CADM2: variants seen among roughly 807,000 people sequenced by gnomAD.
The protein encoded by CADM2 is cell adhesion molecule 2, also known as immunoglobulin superfamily member 4D.
Under a neutral mutation model 49.8 loss-of-function variants are expected in CADM2, and 12 were observed. The observed-to-expected ratio is 0.24, with a 90% CI of 0.15 to 0.39. The LOEUF is 0.39. Among genes scored for constraint, CADM2 ranks in the 10% least tolerant of loss-of-function variants. The probability of loss-of-function intolerance (pLI) is 1.00; values close to 1 mark genes in which losing one functional copy is unlikely to be tolerated. For missense variants in CADM2, 378 were observed against 492.3 expected, an observed-to-expected ratio of 0.77 and a Z score of 2.20; for synonymous variants, 214 against 175.4, an observed-to-expected ratio of 1.22 and a Z score of -1.74.
chr3:85,675,298 G>A (rs891183340), intron 1 of CADM2, among the ~76,000 whole-genome samples: 2 of 151,916 alleles, frequency 1.3e-5, no homozygotes, highest in Non-Finnish European at 2.9e-5. Context: ...AACTTTAAGT[G>A]CAATTTTATA....
At chr3:85,132,296 T>C (rs964412262) in intron 1 of CADM2, among the ~76,000 whole-genome samples, 3 of 152,196 alleles carry the variant, frequency 2.0e-5, no homozygotes, top group Non-Finnish European at 4.4e-5. Flanking sequence ...ACCCCGTGAC[T>C]ACCTAAGGAA....
chr3:85,413,453 T>C (rs1249470428), intron 1 of CADM2, among the ~76,000 whole-genome samples: 1 of 152,086 alleles, frequency 6.6e-6, no homozygotes, highest in African/African-American at 2.4e-5. Context: ...TATAAAGAAA[T>C]ACCTGAAACT....
At chr3:85,972,218 A>G (rs1726245980) in intron 8 of CADM2, among the ~76,000 whole-genome samples, 2 of 151,622 alleles carry the variant, frequency 1.3e-5, no homozygotes, top group African/African-American at 4.8e-5. Context: ...TTGTACAGGC[A>G]AAAGCAAATA....
intron 3 of CADM2, among the ~76,000 whole-genome samples, chr3:85,808,773 A>G (rs1441388503): frequency 1.3e-5 from 2 of 152,202 alleles, no homozygotes; most frequent in Non-Finnish European, 2.9e-5. Flanking sequence ...AAATTTATTA[A>G]AGACATAGCT....
At position 86,073,867 on chromosome 3, in the gene CADM2, T is replaced by A. The variant is rs1020083866; in HGVS notation, c.*7084T>A. On this transcript the variant is annotated 3_prime_UTR_variant, in exon 10 of 10. Coordinates refer to ENST00000383699, the MANE Select transcript of CADM2 (RefSeq NM_001167675.2). ...TCCTCGATGATGCCCATTTTCTTTGTAAATTTCTAAGTGGAAGTTTTAAAA... is the reference window on the plus strand; with the variant it reads ...TCCTCGATGATGCCCATTTTCTTTGAAAATTTCTAAGTGGAAGTTTTAAAA... 1 of 152,146 alleles carries A rather than the reference T, an allele frequency of 6.6e-6. No homozygotes were observed. The highest frequency in any genetic ancestry group is 2.4e-5 in the African/African-American group (1 of 41,570). The allele number at this position is 152,146 out of a possible 1,614,324, so 9.4% of individuals were successfully genotyped here.
intron 7 of CADM2, among the ~76,000 whole-genome samples, chr3:85,946,694 G>A (rs1326997473): frequency 6.6e-6 from 1 of 151,898 alleles, no homozygotes; most frequent in Non-Finnish European, 1.5e-5. Context: ...AAGCAATGGG[G>A]AAAGGATTCC....
chr3:85,477,425 T>A (rs1351322508), intron 1 of CADM2, among the ~76,000 whole-genome samples: 1 of 151,890 alleles, frequency 6.6e-6, no homozygotes, highest in Non-Finnish European at 1.5e-5. Context: ...GAAGTAGAAC[T>A]AAGTAGTGAG....
At chr3:84,980,600 A>G (rs534952297) in intron 1 of CADM2, among the ~76,000 whole-genome samples, 22 of 152,246 alleles carry the variant, frequency 1.4e-4, no homozygotes, top group East Asian at 9.7e-4. Context: ...GTTATCTGCA[A>G]TTGGAGGAAT....
intron 1 of CADM2, among the ~76,000 whole-genome samples, chr3:85,363,065 C>G (rs2032472445): frequency 2.0e-5 from 3 of 152,038 alleles, no homozygotes. Context: ...TCAAAGTCTC[C>G]TTAGGGTCTG....
chr3:85,609,447 C>T (rs2063621129), intron 1 of CADM2, among the ~76,000 whole-genome samples: 1 of 151,990 alleles, frequency 6.6e-6, no homozygotes, highest in African/African-American at 2.4e-5. Flanking sequence ...GGTAAATTTA[C>T]GTTCCTCATT....
At chr3:85,645,710 A>G (rs913599656) in intron 1 of CADM2, among the ~76,000 whole-genome samples, 1 of 152,010 alleles carries the variant, frequency 6.6e-6, no homozygotes, top group Admixed American at 6.6e-5. Context: ...AAAAATATAT[A>G]ATCTGTAAAG....
At chr3:85,884,195 T>G (rs981885929) in intron 4 of CADM2, among the ~76,000 whole-genome samples, 7 of 152,170 alleles carry the variant, frequency 4.6e-5, no homozygotes, top group African/African-American at 1.7e-4. Context: ...TGCATTTCAT[T>G]GAAACACACC....
chr3:85,025,715 C>T (rs527549950), intron 1 of CADM2, among the ~76,000 whole-genome samples: 3 of 152,004 alleles, frequency 2.0e-5, no homozygotes, highest in Non-Finnish European at 4.4e-5. Flanking sequence ...GTCAAATGAC[C>T]GTCGTAGGTT....
intron 1 of CADM2, among the ~76,000 whole-genome samples, chr3:85,366,458 A>G (rs2107300575): frequency 6.6e-6 from 1 of 152,300 alleles, no homozygotes; most frequent in Admixed American, 6.5e-5. Context: ...TTTTATAATA[A>G]ATATGACAAT....
chr3:85,695,391 C>T (rs973861867), intron 1 of CADM2, among the ~76,000 whole-genome samples: 4 of 152,012 alleles, frequency 2.6e-5, no homozygotes, highest in Admixed American at 6.6e-5. Context: ...CCCTTGCTTA[C>T]CCGTAGTTTA....
intron 1 of CADM2, among the ~76,000 whole-genome samples, chr3:85,715,737 T>A (rs776465412): frequency 3.3e-5 from 5 of 152,186 alleles, no homozygotes; most frequent in Non-Finnish European, 7.3e-5. Flanking sequence ...CTCCCACTTA[T>A]GAGTGAGAAC....
intron 1 of CADM2, among the ~76,000 whole-genome samples, chr3:85,629,309 G>A (rs2107516368): frequency 6.6e-6 from 1 of 151,852 alleles, no homozygotes; most frequent in African/African-American, 2.4e-5. Flanking sequence ...ACAAAATGGA[G>A]GACGAAGCCT....
chr3:85,489,804 TGTGA>T (rs1553729771), intron 1 of CADM2, among the ~76,000 whole-genome samples: 33 of 146,864 alleles, frequency 2.2e-4, no homozygotes, highest in South Asian at 2.2e-3. Flanking sequence ...TGTGTGTGTG[TGTGA>T]GAGAGAGAGA....
rs566047689 is a variant in CADM2, at chr3:85,603,044, C to T, written c.62-123478C>T. 2.0e-5 allele frequency among the ~76,000 whole-genome samples: 3 copies of T among 151,912 alleles called. No homozygotes were observed. The East Asian group carries it at 5.8e-4, about 30-fold the overall frequency. On this transcript the variant is annotated intron_variant, in intron 1 of 9. Coordinates refer to ENST00000383699, the MANE Select transcript of CADM2 (RefSeq NM_001167675.2). Reference sequence around the variant, plus strand: ...TTATAGTGTCTTTCATATCTCTAATCATGTTACTTTAAACACTGTGTTCAT... The same window carrying T: ...TTATAGTGTCTTTCATATCTCTAATTATGTTACTTTAAACACTGTGTTCAT...
Sources: gnomAD v4.1 joint callset for allele counts (sites outside exome capture counted in the v4.1 genomes callset) on GRCh38, gnomAD v4.1.1 for gene constraint, MANE v1.5 for transcripts, NCBI Gene and HGNC (gene_info 2026-07-23, HGNC 2026-07-21) for gene names.